CEP112: variants seen among roughly 807,000 people sequenced by gnomAD.
CEP112 encodes centrosomal protein of 112 kDa.
CEP112 carries 127 observed loss-of-function variants against 153.0 expected under a neutral mutation model. That is an observed-to-expected ratio of 0.83 (90% CI 0.72 to 0.96). CEP112 has a LOEUF of 0.96. CEP112 is among the 40% of genes least tolerant of loss of function. CEP112 has a pLI of 0.00. For missense variants in CEP112, 1,089 were observed against 1,101.2 expected (o/e 0.99, Z 0.16); for synonymous variants, 358 against 374.4 (o/e 0.96, Z 0.51).
intron 23 of CEP112, among the ~76,000 whole-genome samples, chr17:65,734,642 T>G (rs1252501280): frequency 6.6e-6 from 1 of 152,246 alleles, no homozygotes; most frequent in Non-Finnish European, 1.5e-5. Context: ...ATGTCTGATT[T>G]GATAGAAGGC....
chr17:66,004,930 C>T (rs1598080492), intron 17 of CEP112, among the ~76,000 whole-genome samples: 1 of 152,276 alleles, frequency 6.6e-6, no homozygotes, highest in East Asian at 1.9e-4. Flanking sequence ...GGGTCAGTCA[C>T]CGTATTGACC....
intron 21 of CEP112, among the ~76,000 whole-genome samples, chr17:65,792,893 T>G (rs965392599): frequency 6.6e-6 from 1 of 152,228 alleles, no homozygotes; most frequent in Non-Finnish European, 1.5e-5. Context: ...ATTATATAAC[T>G]TCCTTAGTAA....
chr17:66,064,283 T>C (rs1339360666), intron 10 of CEP112, among the ~76,000 whole-genome samples: 2 of 152,192 alleles, frequency 1.3e-5, no homozygotes, highest in Non-Finnish European at 2.9e-5. Context: ...CTCCTTTCAA[T>C]ATATTGTTGC....
At chr17:65,962,273 GTT>G (rs137988958) in intron 17 of CEP112, among the ~76,000 whole-genome samples, 15 of 149,810 alleles carry the variant, frequency 1.0e-4, no homozygotes, top group African/African-American at 3.4e-4. Flanking sequence ...TATATCTCAT[GTT>G]TTTTTTTTAA....
At chr17:65,778,153 C>T (rs1433171179) in intron 21 of CEP112, among the ~76,000 whole-genome samples, 1 of 152,236 alleles carries the variant, frequency 6.6e-6, no homozygotes, top group Non-Finnish European at 1.5e-5. Context: ...ATGTCTCTTT[C>T]AAACACCACC....
At chr17:66,102,715 A>G (rs1196291523) in intron 6 of CEP112, among the ~76,000 whole-genome samples, 8 of 148,588 alleles carry the variant, frequency 5.4e-5, no homozygotes, top group South Asian at 2.2e-4. Context: ...GGAGAATGGC[A>G]TGAACCTGGG....
chr17:66,059,659 C>T (rs1024558787), intron 11 of CEP112, among the ~76,000 whole-genome samples: 2 of 152,058 alleles, frequency 1.3e-5, no homozygotes, highest in Non-Finnish European at 2.9e-5. Context: ...CAGATGCTGG[C>T]AAGGTTGCAG....
intron 12 of CEP112, among the ~76,000 whole-genome samples, chr17:66,030,439 G>A (rs2065416215): frequency 1.3e-5 from 2 of 152,134 alleles, no homozygotes; most frequent in South Asian, 4.1e-4. Flanking sequence ...TGTTATAAGA[G>A]TAATGTAATA....
At chr17:65,730,973 G>A (rs1046990770) in intron 23 of CEP112, among the ~76,000 whole-genome samples, 1 of 152,058 alleles carries the variant, frequency 6.6e-6, no homozygotes, top group African/African-American at 2.4e-5. Context: ...TGGCTTCACA[G>A]TGAGAAACTT....
intron 19 of CEP112, among the ~76,000 whole-genome samples, chr17:65,905,976 T>C (rs1285543318): frequency 6.6e-6 from 1 of 151,480 alleles, no homozygotes; most frequent in African/African-American, 2.4e-5. Context: ...TGCACACTTA[T>C]GTTTATTGCA....
At position 65,760,731 on chromosome 17, in the gene CEP112, G is replaced by A. The variant is rs2052562041; in HGVS notation, c.2395-10007C>T. On this transcript the variant is annotated intron_variant, in intron 21 of 26. Transcript: ENST00000535342. ...TTTTTTCTTATAATGCTTCTGTCTG[G>A]TTTTGGTATCAGGGTAATGCTGACC... Among the ~76,000 whole-genome samples, 4 of 152,054 alleles carry A rather than the reference G, an allele frequency of 2.6e-5. 1 individual carries two copies. The South Asian group carries it at 8.3e-4, about 32-fold the overall frequency.
rs535626307 is a variant in CEP112 at position 66,079,232 on chromosome 17, T to C, written c.769-9231A>G. The stretch of plus-strand genomic sequence containing the variant: ...AAATGGGTGGATCACCTGAGGTCAG[T>C]AGTTCGAGACCAGCCTGATCAACAT... On this transcript the variant is annotated intron_variant, in intron 8 of 26. Transcript: ENST00000535342. 2.0e-5 allele frequency among the ~76,000 whole-genome samples: 3 copies of C among 152,236 alleles called. No homozygotes were observed. In the South Asian group the frequency reaches 6.2e-4, roughly 32 times the overall value.
intron 23 of CEP112, among the ~76,000 whole-genome samples, chr17:65,697,530 CAG>C (rs1267183205): frequency 6.6e-6 from 1 of 151,878 alleles, no homozygotes; most frequent in African/African-American, 2.4e-5. Context: ...GTGAGATTTA[CAG>C]ACTTATTTTT....
chr17:66,063,734 C>T (rs967790551), intron 10 of CEP112, among the ~76,000 whole-genome samples: 1 of 152,154 alleles, frequency 6.6e-6, no homozygotes. Flanking sequence ...TACAGCTCTT[C>T]TCATCTAAAA....
chr17:65,910,223 T>C (rs1568212283), intron 19 of CEP112, among the ~76,000 whole-genome samples: 1 of 152,082 alleles, frequency 6.6e-6, no homozygotes, highest in African/African-American at 2.4e-5. Flanking sequence ...CACGATCTCA[T>C]AAAAAAGTAA....
rs2051806810 is a variant in CEP112, at chr17:65,750,935, GACAA to G, written c.2395-215_2395-212del. 2.0e-5 allele frequency: 10 copies of G among 499,150 alleles called. No homozygotes were observed. In the East Asian group the frequency reaches 3.1e-4, roughly 16 times the overall value. 30.9% of individuals were successfully genotyped at this position (499,150 alleles called of 1,614,324 possible). A position where few individuals can be genotyped will look rare whatever the true frequency, so the allele number is the denominator to read the frequency against. The stretch of plus-strand genomic sequence containing the variant: ...AAAAGATCTCTTCTGCCAATTATTA[GACAA>G]ACATAAGACTTCTGTGGATAGAAAG... On this transcript the variant is annotated intron_variant, in intron 21 of 26. Transcript: ENST00000535342.
At chr17:65,934,544 A>G (rs978526496) in intron 18 of CEP112, among the ~76,000 whole-genome samples, 1 of 152,224 alleles carries the variant, frequency 6.6e-6, no homozygotes, top group Non-Finnish European at 1.5e-5. Flanking sequence ...TTACCTATCA[A>G]TAATTACTTT....
chr17:65,699,551 C>T (rs933765470), intron 23 of CEP112, among the ~76,000 whole-genome samples: 9 of 152,060 alleles, frequency 5.9e-5, no homozygotes, highest in Admixed American at 3.9e-4. Flanking sequence ...TTGCTAAGTC[C>T]CTTCTCAGTG....
chr17:66,190,646 G>A (rs931386780), intron 1 of CEP112, among the ~76,000 whole-genome samples: 8 of 152,170 alleles, frequency 5.3e-5, no homozygotes, highest in African/African-American at 1.9e-4. Flanking sequence ...TAAAAAAGAA[G>A]TAAATTGGGT....
Sources: gnomAD v4.1 joint callset for allele counts (sites outside exome capture counted in the v4.1 genomes callset) on GRCh38, gnomAD v4.1.1 for gene constraint, MANE v1.5 for transcripts, NCBI Gene and HGNC (gene_info 2026-07-23, HGNC 2026-07-21) for gene names.